TRIM2: variants seen among roughly 807,000 people sequenced by gnomAD.
TRIM2 encodes tripartite motif-containing protein 2.
In TRIM2, 20 loss-of-function variants were observed where a neutral mutation model predicts 75.2. That is an observed-to-expected ratio of 0.27 (90% CI 0.19 to 0.39). TRIM2 has a LOEUF of 0.39. Ranked by LOEUF, TRIM2 falls within the 10% of genes least tolerant of loss-of-function variation. The pLI is 1.00. For missense variants in TRIM2, 660 were observed against 990.8 expected (o/e 0.67, Z 4.48); for synonymous variants, 373 against 388.3 (o/e 0.96, Z 0.46).
chr4:153,187,286 A>G (rs535034536), intron 1 of TRIM2, among the ~76,000 whole-genome samples: 1 of 152,336 alleles, frequency 6.6e-6, no homozygotes, highest in Non-Finnish European at 1.5e-5. Context: ...TTACAAAGCA[A>G]GGTAAGTCCA....
intron 6 of TRIM2, among the ~76,000 whole-genome samples, chr4:153,314,227 C>T (rs1229038778): frequency 1.3e-5 from 2 of 150,834 alleles, no homozygotes; most frequent in African/African-American, 2.5e-5. Flanking sequence ...GAGACCATCC[C>T]GGCTAAAACG....
intron 1 of TRIM2, among the ~76,000 whole-genome samples, chr4:153,238,907 T>C (rs565120500): frequency 3.3e-5 from 5 of 152,198 alleles, no homozygotes; most frequent in Non-Finnish European, 7.3e-5. Context: ...TGAATGTTCA[T>C]GAATCCCCCC....
At chr4:153,201,765 G>A (rs988175671), upstream of TRIM2, among the ~76,000 whole-genome samples, 2 of 151,984 alleles carry the variant, frequency 1.3e-5, no homozygotes, top group Non-Finnish European at 2.9e-5. Context: ...TTTTTCTTTT[G>A]GCTGCTCATG....
At chr4:153,173,665 A>AAAT (rs986043764) in intron 1 of TRIM2, among the ~76,000 whole-genome samples, 31 of 149,904 alleles carry the variant, frequency 2.1e-4, no homozygotes, top group Non-Finnish European at 2.5e-4. Context: ...CTCCGTCTCA[A>AAAT]AATAATAATA....
chr4:153,202,679 A>C (rs1376958949), upstream of TRIM2, among the ~76,000 whole-genome samples: 2 of 148,550 alleles, frequency 1.3e-5, no homozygotes, highest in Non-Finnish European at 3.0e-5. Flanking sequence ...AGCCTGGGTG[A>C]CAGAGCGAGA....
At position 153,293,122 on chromosome 4, in the gene TRIM2, T is replaced by C. The variant is rs779690478; in HGVS notation, c.594T>C (p.Ala198=). Residue 198 remains alanine (A), a synonymous_variant, in exon 4 of 12, where the codon GCT becomes GCC. Transcript: ENST00000338700. ...HKASLQVQLD[A]VNKRLPEIDS... is the part of the protein sequence containing the mutation. ...CCTCGCTCCAGGTCCAGCTGGATGC[T>C]GTCAACAAAAGGTGGGGGACCCCTC... 1 of 1,606,340 alleles carries C rather than the reference T, an allele frequency of 6.2e-7. No individual in the cohort carries two copies. Among genetic ancestry groups the C allele is most frequent in the Admixed American group, 1.7e-5 (1 of 59,842 alleles).
chr4:153,285,489 A>G (rs1362873482), intron 3 of TRIM2, among the ~76,000 whole-genome samples: 1 of 152,054 alleles, frequency 6.6e-6, no homozygotes, highest in Non-Finnish European at 1.5e-5. Context: ...TTTTGATAAT[A>G]TTGTAAATGG....
At chr4:153,313,659 G>A (rs1766875128) in intron 6 of TRIM2, among the ~76,000 whole-genome samples, 1 of 126,454 alleles carries the variant, frequency 7.9e-6, no homozygotes. Flanking sequence ...TTGAGACAGA[G>A]TCTTGCTCTG....
intron 1 of TRIM2, among the ~76,000 whole-genome samples, chr4:153,197,860 C>T (rs765740974): frequency 6.6e-5 from 10 of 152,132 alleles, no homozygotes; most frequent in East Asian, 3.9e-4. Flanking sequence ...GCAACAAGAG[C>T]GAAACTCCGT....
At chr4:153,225,755 T>C (rs1224951085) in intron 1 of TRIM2, among the ~76,000 whole-genome samples, 1 of 152,146 alleles carries the variant, frequency 6.6e-6, no homozygotes, top group Non-Finnish European at 1.5e-5. Flanking sequence ...GGTTAGAGGG[T>C]TTACTGGAAA....
intron 1 of TRIM2, among the ~76,000 whole-genome samples, chr4:153,226,427 G>T (rs1742144923): frequency 6.6e-6 from 1 of 152,218 alleles, no homozygotes; most frequent in South Asian, 2.1e-4. Flanking sequence ...TGTCTTAACT[G>T]CAGTAAAACG....
rs1433546572 is a variant in TRIM2, at chr4:153,286,045, T to C, written c.454-6937T>C. ...CTGTTTCTAGTTTGGCATGAAAAGA[T>C]ATTGGATTTTGTTAAATGCTTTTCC... On this transcript the variant is annotated intron_variant, in intron 3 of 11. Transcript: ENST00000338700. Among the ~76,000 whole-genome samples the C allele has an allele frequency of 2.0e-5, 3 of 152,334 alleles. No individual in the cohort carries two copies. In the East Asian group the frequency reaches 5.8e-4, roughly 29 times the overall value.
intron 3 of TRIM2, among the ~76,000 whole-genome samples, chr4:153,290,277 A>T (rs1761569893): frequency 6.6e-6 from 1 of 152,218 alleles, no homozygotes; most frequent in Non-Finnish European, 1.5e-5. Context: ...ATAACAAGTA[A>T]AATATTTATG....
intron 7 of TRIM2, 59 bp from the exon 8 acceptor site, chr4:153,315,773 G>C: frequency 6.3e-7 from 1 of 1,592,352 alleles, no homozygotes; most frequent in Non-Finnish European, 8.6e-7. Context: ...TTCTGCCTAT[G>C]CCTTCCTCAG....
intron 1 of TRIM2, among the ~76,000 whole-genome samples, chr4:153,240,804 C>G (rs1296645110): frequency 6.6e-6 from 1 of 152,204 alleles, no homozygotes; most frequent in South Asian, 2.1e-4. Context: ...CCTGGCCGGG[C>G]GTGGTGGCTC....
intron 9 of TRIM2, among the ~76,000 whole-genome samples, chr4:153,323,431 A>G (rs970998597): frequency 1.3e-5 from 2 of 152,178 alleles, no homozygotes; most frequent in Admixed American, 1.3e-4. Context: ...AGTTCTGCCA[A>G]GTTTCTGAAT....
intron 5 of TRIM2, among the ~76,000 whole-genome samples, chr4:153,294,777 G>T (rs1050209256): frequency 1.3e-5 from 2 of 152,160 alleles, no homozygotes; most frequent in African/African-American, 4.8e-5. Context: ...GTTATAACAT[G>T]AAATAGTTTC....
intron 1 of TRIM2, among the ~76,000 whole-genome samples, chr4:153,259,889 G>GA (rs1752978403): frequency 6.6e-6 from 1 of 152,196 alleles, no homozygotes; most frequent in South Asian, 2.1e-4. Flanking sequence ...GCAGGAAACA[G>GA]ATTTCTGCTT....
At chr4:153,245,708 G>A (rs1199073643) in intron 1 of TRIM2, among the ~76,000 whole-genome samples, 1 of 152,164 alleles carries the variant, frequency 6.6e-6, no homozygotes, top group African/African-American at 2.4e-5. Flanking sequence ...GACAGGGTCT[G>A]TCTTTGTTGC....
Sources: allele counts gnomAD v4.1 joint callset (sites outside exome capture counted in the v4.1 genomes callset), GRCh38; gene constraint gnomAD v4.1.1; transcripts MANE v1.5; gene names NCBI Gene and HGNC (gene_info 2026-07-23, HGNC 2026-07-21).